The following IQCB1 variants were observed in gnomAD, a reference collection of about 807,000 sequenced individuals.
The protein encoded by IQCB1 is IQ motif containing B1.
A neutral mutation model predicts 84.4 loss-of-function variants in IQCB1; 56 were observed. That is an observed-to-expected ratio of 0.66 (90% CI 0.54 to 0.83). The LOEUF is 0.83. Among genes scored for constraint, IQCB1 ranks in the 40% least tolerant of loss-of-function variants. The pLI is 0.00. For synonymous variants in IQCB1, 210 were observed against 234.8 expected, an observed-to-expected ratio of 0.89 and a Z score of 0.96; for missense variants, 629 against 682.1, an observed-to-expected ratio of 0.92 and a Z score of 0.87.
intron 5 of IQCB1, among the ~76,000 whole-genome samples, chr3:121,810,576 T>C (rs1026509465): frequency 6.6e-6 from 1 of 151,524 alleles, no homozygotes; most frequent in African/African-American, 2.4e-5. Context: ...TACAAATACA[T>C]AACATATTAA....
intron 5 of IQCB1, among the ~76,000 whole-genome samples, chr3:121,809,669 G>A (rs1949749334): frequency 6.6e-6 from 1 of 151,956 alleles, no homozygotes; most frequent in Non-Finnish European, 1.5e-5. Context: ...AGTAGGGTGA[G>A]AAATTATTAT....
At chr3:121,814,646 A>T (rs1949977948) in intron 5 of IQCB1, among the ~76,000 whole-genome samples, 2 of 152,204 alleles carry the variant, frequency 1.3e-5, no homozygotes, top group South Asian at 4.1e-4. Flanking sequence ...ACACAAATAA[A>T]CTAGAAAATC....
chr3:121,790,317 G>A, intron 10 of IQCB1, 102 bp from the exon 11 acceptor site: 1 of 1,054,530 alleles, frequency 9.5e-7, no homozygotes, highest in Non-Finnish European at 1.4e-6. Flanking sequence ...AAAATTTTAA[G>A]ATAATTTCTA....
Position 121,778,880 on chromosome 3 carries a change from C to T in IQCB1, c.1410+2863G>A, listed in dbSNP as rs192753510. On this transcript the variant is annotated intron_variant, in intron 13 of 14. Coordinates refer to ENST00000310864, the MANE Select transcript of IQCB1 (RefSeq NM_001023570.4). ...CGCCACTGCACTCCAGCCTGGGTGA[C>T]AACAGCGAAACTCTGTCTCAAAAAA... is the stretch of plus-strand genomic sequence containing the variant. Among the ~76,000 whole-genome samples, 562 of 142,996 alleles carry T rather than the reference C, an allele frequency of 3.9e-3. 4 individuals are homozygous for T. The highest frequency in any genetic ancestry group is 6.6e-3 in the Non-Finnish European group (439 of 66,248). The allele number at this position is 142,996 out of a possible 152,430, so 93.8% of individuals were successfully genotyped here. A position where few individuals can be genotyped will look rare whatever the true frequency, so the allele number is the denominator to read the frequency against.
chr3:121,771,072 A>G (rs1302493482), intron 14 of IQCB1, among the ~76,000 whole-genome samples: 2 of 152,160 alleles, frequency 1.3e-5, no homozygotes, highest in Non-Finnish European at 2.9e-5. Flanking sequence ...CCTGGGTTCA[A>G]GCAATTCTCC....
chr3:121,801,692 G>A (rs552285558), intron 7 of IQCB1, among the ~76,000 whole-genome samples: 3 of 151,644 alleles, frequency 2.0e-5, no homozygotes, highest in South Asian at 4.2e-4. Context: ...ACCCCTAAAA[G>A]CTTCCTTGTA....
intron 12 of IQCB1, among the ~76,000 whole-genome samples, chr3:121,787,294 A>T (rs1948773872): frequency 6.6e-6 from 1 of 152,224 alleles, no homozygotes; most frequent in African/African-American, 2.4e-5. Context: ...TGTTAAGCTA[A>T]ATGCTATAGG....
At chr3:121,805,659 T>C (rs1439992670) in intron 7 of IQCB1, among the ~76,000 whole-genome samples, 1 of 152,162 alleles carries the variant, frequency 6.6e-6, no homozygotes, top group Non-Finnish European at 1.5e-5. Flanking sequence ...GACGCACTGT[T>C]TATGAGGCTT....
intron 13 of IQCB1, among the ~76,000 whole-genome samples, chr3:121,777,942 C>A (rs564349438): frequency 6.7e-6 from 1 of 149,362 alleles, no homozygotes; most frequent in Non-Finnish European, 1.5e-5. Flanking sequence ...GGGTCTCACT[C>A]GGCCACACAG....
chr3:121,832,619 G>A lies in IQCB1; in HGVS notation c.-13+1772C>T, dbSNP rs182185329. Among the ~76,000 whole-genome samples the A allele has an allele frequency of 1.5e-3, 224 of 152,236 alleles. 2 individuals are homozygous for A. Among genetic ancestry groups the A allele is most frequent in the Admixed American group, 4.0e-3 (61 of 15,286 alleles). ...TGGGATTACAGGCATGAGCCACAGCGCCCAGCCATTTTTACAATTTTTACA... is the reference window on the plus strand; with the variant it reads ...TGGGATTACAGGCATGAGCCACAGCACCCAGCCATTTTTACAATTTTTACA... On this transcript the variant is annotated intron_variant, in intron 2 of 14. Transcript: ENST00000310864.
chr3:121,804,992 T>A (rs1949553131), intron 7 of IQCB1, among the ~76,000 whole-genome samples: 1 of 152,304 alleles, frequency 6.6e-6, no homozygotes, highest in African/African-American at 2.4e-5. Context: ...TCCCATCCAG[T>A]GTATTTTTCA....
chr3:121,792,664 A>C (rs1470738464), intron 10 of IQCB1, among the ~76,000 whole-genome samples: 2 of 139,884 alleles, frequency 1.4e-5, no homozygotes, highest in Non-Finnish European at 3.0e-5. Flanking sequence ...TCCGTCTCAA[A>C]AAAAAAAAAA....
At chr3:121,789,862 G>C (rs1172332504) in intron 11 of IQCB1, among the ~76,000 whole-genome samples, 1 of 152,106 alleles carries the variant, frequency 6.6e-6, no homozygotes, top group African/African-American at 2.4e-5. Context: ...AAAAACTGGT[G>C]GGGAGATTGT....
chr3:121,802,484 C>T (rs1013499201), intron 7 of IQCB1, among the ~76,000 whole-genome samples: 1 of 152,018 alleles, frequency 6.6e-6, no homozygotes, highest in Non-Finnish European at 1.5e-5. Flanking sequence ...TACGATGTTA[C>T]CTCTCTAATT....
chr3:121,776,500 T>G (rs1948235012), intron 13 of IQCB1, among the ~76,000 whole-genome samples: 1 of 152,234 alleles, frequency 6.6e-6, no homozygotes, highest in African/African-American at 2.4e-5. Flanking sequence ...CTTGCTAACC[T>G]TTGGCATGTT....
At chr3:121,800,695 A>C (rs1949373393) in intron 7 of IQCB1, among the ~76,000 whole-genome samples, 1 of 151,738 alleles carries the variant, frequency 6.6e-6, no homozygotes, top group South Asian at 2.1e-4. Flanking sequence ...TCCCACCAAG[A>C]GTTTGTGCTA....
At chr3:121,827,769 G>A (rs1950508297) in intron 4 of IQCB1, among the ~76,000 whole-genome samples, 1 of 151,934 alleles carries the variant, frequency 6.6e-6, no homozygotes, top group Non-Finnish European at 1.5e-5. Flanking sequence ...AAATTCAAAT[G>A]GCTTATTTAG....
intron 4 of IQCB1, 50 bp from the exon 5 acceptor site, chr3:121,826,230 T>C (rs973040145): frequency 1.2e-5 from 19 of 1,587,562 alleles, no homozygotes; most frequent in African/African-American, 4.0e-5. Flanking sequence ...TGTTGAATGC[T>C]CAAGCTTCTA....
intron 5 of IQCB1, among the ~76,000 whole-genome samples, chr3:121,818,561 G>C (rs1950159681): frequency 6.6e-6 from 1 of 152,136 alleles, no homozygotes; most frequent in South Asian, 2.1e-4. Context: ...TGAGCTTGTA[G>C]TTATTAGACA....
Sources: allele counts gnomAD v4.1 joint callset (sites outside exome capture counted in the v4.1 genomes callset), GRCh38; gene constraint gnomAD v4.1.1; transcripts MANE v1.5; gene names NCBI Gene and HGNC (gene_info 2026-07-23, HGNC 2026-07-21).